Variants in DYNC2LI1 observed in about 807,000 individuals in gnomAD.
DYNC2LI1 encodes the protein cytoplasmic dynein 2 light intermediate chain 1.
In DYNC2LI1, 45 loss-of-function variants were observed where a neutral mutation model predicts 51.9. The ratio of observed to expected loss-of-function variants is 0.87; its 90% CI spans 0.68 to 1.11. DYNC2LI1 has a LOEUF of 1.11. Ranked by LOEUF, DYNC2LI1 falls within the 50% of genes most tolerant of loss-of-function variation. DYNC2LI1 has a pLI of 0.00. For synonymous variants in DYNC2LI1, 130 were observed against 137.8 expected (o/e 0.94, Z 0.40); for missense variants, 490 against 417.4 (o/e 1.17, Z -1.51).
the DYNC2LI1 span, chr2:43,819,916 T>C: frequency 6.2e-7 from 1 of 1,614,130 alleles, no homozygotes; most frequent in Non-Finnish European, 8.5e-7. Context: ...ATATCTTACC[T>C]GAGGAATCCA....
intron 10 of DYNC2LI1, among the ~76,000 whole-genome samples, chr2:43,803,969 G>C (rs1242828258): frequency 6.6e-6 from 1 of 152,124 alleles, no homozygotes; most frequent in Non-Finnish European, 1.5e-5. Context: ...GCAAATTTGT[G>C]TTCTTTCCAA....
intron 5 of DYNC2LI1, among the ~76,000 whole-genome samples, chr2:43,792,165 G>A (rs780630880): frequency 1.3e-5 from 2 of 152,002 alleles, no homozygotes; most frequent in Admixed American, 1.3e-4. Flanking sequence ...CTGCTTATGA[G>A]CTTATTAAAA....
chr2:43,783,604 A>G lies in DYNC2LI1; in HGVS notation c.161+50A>G, dbSNP rs368169552. 9.6e-6 allele frequency: 12 copies of G among 1,245,340 alleles called. No homozygotes were observed. The East Asian group carries it at 1.7e-4, about 17-fold the overall frequency. The allele number at this position is 1,245,340 out of a possible 1,614,324, so 77.1% of individuals were successfully genotyped here. On this transcript the variant is annotated intron_variant, in intron 3 of 12. Transcript: ENST00000260605. ...CTATATTTATGCTTATTCTAGTTGTATAGGGCAAGTTAGCTCTAAAAGACA... is the reference window on the plus strand; with the variant it reads ...CTATATTTATGCTTATTCTAGTTGTGTAGGGCAAGTTAGCTCTAAAAGACA...
downstream of DYNC2LI1, among the ~76,000 whole-genome samples, chr2:43,811,226 A>T (rs902873951): frequency 6.6e-6 from 1 of 152,190 alleles, no homozygotes; most frequent in Non-Finnish European, 1.5e-5. Context: ...CTGATGTGAC[A>T]TATATAATCT....
intron 8 of DYNC2LI1, among the ~76,000 whole-genome samples, chr2:43,798,638 A>T (rs183672157): frequency 7.9e-5 from 12 of 152,358 alleles, no homozygotes; most frequent in African/African-American, 2.9e-4. Flanking sequence ...GTCCACAGCA[A>T]GCCTGGGATT....
the DYNC2LI1 span, chr2:43,826,236 G>A: frequency 8.9e-7 from 1 of 1,118,828 alleles, no homozygotes; most frequent in Non-Finnish European, 1.3e-6. Flanking sequence ...CTGGCCTCAA[G>A]TGCTCCTCCT....
At chr2:43,783,397 A>G in intron 2 of DYNC2LI1, 123 bp from the exon 3 acceptor site, 1 of 768,650 alleles carries the variant, frequency 1.3e-6, no homozygotes, top group Non-Finnish European at 2.1e-6. Context: ...TCTAGTTTTT[A>G]GTTTCCAGGT....
At chr2:43,824,562 C>T in the DYNC2LI1 span, 15 of 1,572,160 alleles carry the variant, frequency 9.5e-6, no homozygotes, top group African/African-American at 1.4e-5. Flanking sequence ...GGTTAATGCC[C>T]ACCTATAAAA....
At chr2:43,798,312 A>G (rs1289595051) in intron 8 of DYNC2LI1, among the ~76,000 whole-genome samples, 2 of 152,178 alleles carry the variant, frequency 1.3e-5, no homozygotes, top group South Asian at 2.1e-4. Flanking sequence ...ACATTTCATT[A>G]TGTATTTTCT....
chr2:43,808,713 C>G (rs1460485446), intron 12 of DYNC2LI1, among the ~76,000 whole-genome samples: 2 of 152,160 alleles, frequency 1.3e-5, no homozygotes, highest in African/African-American at 4.8e-5. Context: ...ATCCTGCCCT[C>G]TCCCTATCTG....
intron 2 of DYNC2LI1, among the ~76,000 whole-genome samples, chr2:43,782,651 A>G (rs1673344645): frequency 6.6e-6 from 1 of 152,042 alleles, no homozygotes; most frequent in South Asian, 2.1e-4. Context: ...GACTAGTGGT[A>G]GGAATTAGGC....
At chr2:43,793,007 GT>G in intron 5 of DYNC2LI1, 1 of 402,756 alleles carries the variant, frequency 2.5e-6, no homozygotes, top group Non-Finnish European at 4.1e-6. Context: ...GTTCTTTTGG[GT>G]TTAGACTCAG....
intron 2 of DYNC2LI1, among the ~76,000 whole-genome samples, chr2:43,779,846 A>G (rs559980838): frequency 7.2e-5 from 11 of 152,326 alleles, no homozygotes; most frequent in African/African-American, 2.2e-4. Context: ...TGTTAGTTTG[A>G]TACTAATCTG....
At chr2:43,812,399 A>G (rs1410747210), downstream of DYNC2LI1, 1 of 151,698 alleles carries the variant, frequency 6.6e-6, no homozygotes, top group Non-Finnish European at 1.5e-5. Flanking sequence ...CCTATAAGTA[A>G]ACTCAGCTGA....
chr2:43,804,872 A>C, intron 11 of DYNC2LI1, 133 bp downstream of exon 11: 2 of 602,296 alleles, frequency 3.3e-6, no homozygotes, highest in Non-Finnish European at 5.5e-6. Context: ...ACATTTGCTG[A>C]AAATGTAAAT....
chr2:43,813,693 TG>T (rs1184198336), downstream of DYNC2LI1, among the ~76,000 whole-genome samples: 32 of 139,720 alleles, frequency 2.3e-4, no homozygotes, highest in African/African-American at 3.9e-4. Context: ...TTGTTTTTTT[TG>T]GGGTTTTTTT....
chr2:43,798,694 CTT>C (rs1665973827), intron 8 of DYNC2LI1, among the ~76,000 whole-genome samples: 1 of 152,188 alleles, frequency 6.6e-6, no homozygotes, highest in African/African-American at 2.4e-5. Context: ...CAGGGAATGA[CTT>C]TGAGAATGGC....
chr2:43,797,444 A>C (rs1397578708), intron 8 of DYNC2LI1, among the ~76,000 whole-genome samples: 1 of 151,372 alleles, frequency 6.6e-6, no homozygotes, highest in East Asian at 1.9e-4. Flanking sequence ...TTATTATATC[A>C]CTGTTATCAT....
chr2:43,798,565 C>G (rs1665969619), intron 8 of DYNC2LI1, among the ~76,000 whole-genome samples: 1 of 152,166 alleles, frequency 6.6e-6, no homozygotes, highest in African/African-American at 2.4e-5. Flanking sequence ...GAACAGATTA[C>G]ATTTGATGGA....
Sources: gnomAD v4.1 joint callset for allele counts (sites outside exome capture counted in the v4.1 genomes callset) on GRCh38, gnomAD v4.1.1 for gene constraint, MANE v1.5 for transcripts, NCBI Gene and HGNC (gene_info 2026-07-23, HGNC 2026-07-21) for gene names.